ZIC3: variants seen among roughly 807,000 people sequenced by gnomAD.
ZIC3 encodes the protein zinc finger protein ZIC 3.
ZIC3 carries 6 observed loss-of-function variants against 18.3 expected under a neutral mutation model. The observed-to-expected ratio is 0.33, with a 90% confidence interval of 0.18 to 0.65. ZIC3 has a LOEUF of 0.65. Ranked by LOEUF, ZIC3 falls within the 30% of genes least tolerant of loss-of-function variation. The pLI, the probability that ZIC3 is intolerant of heterozygous loss-of-function variation, is 0.75. For synonymous variants in ZIC3, 175 were observed against 177.0 expected, an observed-to-expected ratio of 0.99 and a Z score of 0.09; for missense variants, 260 against 410.0, an observed-to-expected ratio of 0.63 and a Z score of 3.16.
At chrX:137,577,533 T>A in exon 3 of ZIC3, 1 of 194,236 alleles carries the variant, frequency 5.1e-6, no homozygotes, top group Non-Finnish European at 9.4e-6. Flanking sequence ...TTGACCTTGG[T>A]GAAAATCTTT....
chrX:137,567,464 A>G lies in ZIC3; in HGVS notation c.773A>G (p.Glu258Gly), dbSNP rs1301255366. The change falls in exon 1 of 3, where the codon GAG becomes GGG. Residue 258 changes from glutamate (E) to glycine (G), a missense_variant. Glu to Gly is a moderately conservative substitution (Grantham distance 98, BLOSUM62 -2). Transcript: ENST00000287538. ...GAGCTGTCGTGCAAGTGGATCGACG[A>G]GGCTCAGCTGAGCCGGCCCAAGAAG... ...KQELSCKWIDEAQLSRPKKSC... is the reference protein window; with the variant it reads ...KQELSCKWIDGAQLSRPKKSC... 2 of 1,210,239 alleles carry G rather than the reference A, an allele frequency of 1.7e-6. No individual in the cohort carries two copies. Among genetic ancestry groups the G allele is most frequent in the African/African-American group, 3.5e-5 (2 of 57,268 alleles).
At chrX:137,575,748 G>A (rs1287558396), downstream of ZIC3, among the ~76,000 whole-genome samples, 1 of 111,236 alleles carries the variant, frequency 9.0e-6, no homozygotes, top group Admixed American at 9.5e-5. Context: ...CAGGTGGGTG[G>A]GCAGGTCATT....
In ZIC3 at chrX:137,569,814, C is replaced by T. The variant is rs903800529; in HGVS notation, c.1225-77C>T. On this transcript the variant is annotated intron_variant, in intron 2 of 2. Coordinates refer to ENST00000287538, the MANE Select transcript of ZIC3 (RefSeq NM_003413.4). ...TGGGCGGTCTTGTTGTTACAGTGCT[C>T]GAATTCTGCTCTTGTTTTTGCTTGC... 2.9e-6 allele frequency: 3 copies of T among 1,036,619 alleles called. No individual in the cohort carries two copies. In the African/African-American group the frequency reaches 5.7e-5, roughly 20 times the overall value. The allele number at this position is 1,036,619 out of a possible 1,213,427, so 85.4% of individuals were successfully genotyped here.
Position 137,569,873 on chromosome X carries a change from T to C in ZIC3, c.1225-18T>C, listed in dbSNP as rs1000785206. ...AGTTGGAATTATATTCATTATAATA[T>C]ATACATGTTAATTTTAGGTTCATGA... On this transcript the variant is annotated intron_variant, in intron 2 of 2. Coordinates refer to ENST00000287538, the MANE Select transcript of ZIC3 (RefSeq NM_003413.4). 3 of 1,199,100 alleles carry C rather than the reference T, an allele frequency of 2.5e-6. No homozygotes were observed. Among genetic ancestry groups the C allele is most frequent in the African/African-American group, 3.5e-5 (2 of 56,847 alleles).
In ZIC3 at chrX:137,566,737, G is replaced by T; in HGVS notation, c.46G>T (p.Val16Leu). The T allele has an allele frequency of 8.4e-7, 1 of 1,194,313 alleles. No homozygotes were observed. The highest frequency in any genetic ancestry group is 1.1e-6 in the Non-Finnish European group (1 of 887,625). ...DGGPQFPGLG[V>L]GSFGAPRHHE... Reference sequence around the variant, plus strand: ...AGGCCCGCAGTTCCCTGGGCTGGGAGTGGGCAGCTTCGGCGCGCCGCGCCA... The same window carrying T: ...AGGCCCGCAGTTCCCTGGGCTGGGATTGGGCAGCTTCGGCGCGCCGCGCCA... Residue 16 changes from valine (V) to leucine (L), a missense_variant, in exon 1 of 3, where the codon GTG (valine) becomes TTG (leucine). Transcript: ENST00000287538.
rs1450012643 is a variant in ZIC3, at chrX:137,567,222, G to A, written c.531G>A (p.Gly177=). ...EQGAGHPSPT[G]HVDNNQVHLG... ...GCGCTGGGCACCCGTCGCCCACAGG[G>A]CACGTGGACAACAACCAGGTCCACC... Residue 177 remains glycine (G), a synonymous_variant, in exon 1 of 3, where the codon GGG becomes GGA. Transcript: ENST00000287538. The A allele has an allele frequency of 5.0e-6, 6 of 1,209,056 alleles. No individual in the cohort carries two copies. In the African/African-American group the frequency reaches 8.7e-5, roughly 18 times the overall value.
rs1403434097 is a variant in ZIC3, at chrX:137,567,021, C to T, written c.330C>T (p.Ala110=). The change falls in exon 1 of 3, where the codon GCC becomes GCT. Residue 110 remains alanine, a synonymous_variant. Coordinates refer to ENST00000287538, the MANE Select transcript of ZIC3 (RefSeq NM_003413.4). ...CCAGCTACGGTGGCGCTGCCTCTGC[C>T]GCCTTCAACTCAACGCGCGAGTTTC... is the stretch of plus-strand genomic sequence containing the variant. ...QVPSYGGAAS[A]AFNSTREFLF... is the part of the protein sequence containing the mutation. The T allele has an allele frequency of 2.6e-6, 3 of 1,166,966 alleles. No homozygotes were observed. Among genetic ancestry groups the T allele is most frequent in the African/African-American group, 3.6e-5 (2 of 56,242 alleles).
chrX:137,566,615 GC>G lies in ZIC3; in HGVS notation c.-76del. The G allele has an allele frequency of 1.7e-6, 2 of 1,162,525 alleles. No individual in the cohort carries two copies. The highest frequency in any genetic ancestry group is 2.3e-6 in the Non-Finnish European group (2 of 875,700). ...CCGCCGCCACCCCTTTCCGACTACGGCACTTCGGAGATCTCCTCCTTCGCCG... is the reference window on the plus strand; with the variant it reads ...CCGCCGCCACCCCTTTCCGACTACGGACTTCGGAGATCTCCTCCTTCGCCG... On this transcript the variant is annotated 5_prime_UTR_variant, in exon 1 of 3. Coordinates refer to ENST00000287538, the MANE Select transcript of ZIC3 (RefSeq NM_003413.4).
In ZIC3 at chrX:137,568,922, G is replaced by C; in HGVS notation, c.1081G>C (p.Glu361Gln). 1 of 1,210,596 alleles carries C rather than the reference G, an allele frequency of 8.3e-7. No homozygotes were observed. The highest frequency in any genetic ancestry group is 1.8e-5 in the South Asian group (1 of 56,896). ...THTGEKPFKCEFEGCDRRFAN... is the reference protein window; with the variant it reads ...THTGEKPFKCQFEGCDRRFAN... The stretch of plus-strand genomic sequence containing the variant: ...TGCAGGTGAGAAACCTTTCAAATGT[G>C]AATTTGAAGGCTGTGACAGACGCTT... Residue 361 changes from glutamate (E) to glutamine (Q), a missense_variant, in exon 2 of 3, where the codon GAA becomes CAA. Physicochemically the swap from Glu to Gln is conservative, Grantham distance 29. Coordinates refer to ENST00000287538, the MANE Select transcript of ZIC3 (RefSeq NM_003413.4).
chrX:137,570,158 A>T lies in ZIC3; in HGVS notation c.*88A>T. 9.3e-7 allele frequency: 1 copy of T among 1,078,473 alleles called. No homozygotes were observed. Among genetic ancestry groups the T allele is most frequent in the Non-Finnish European group, 1.3e-6 (1 of 774,674 alleles). 88.9% of individuals were successfully genotyped at this position (1,078,473 alleles called of 1,213,427 possible). ...ACCAATCAGATGGAAATGGAGTTTT[A>T]AGGCAAGAGGCCATATATAGGGCTA... On this transcript the variant is annotated 3_prime_UTR_variant, in exon 3 of 3. Transcript: ENST00000287538.
At chrX:137,569,704 TG>T (rs1931410497) in intron 2 of ZIC3, among the ~76,000 whole-genome samples, 186 bp from the exon 3 acceptor site, 1 of 112,212 alleles carries the variant, frequency 8.9e-6, no homozygotes, top group African/African-American at 3.2e-5. Context: ...GGAGCAAAAC[TG>T]GTTTTTGGCG....
rs984460598 is a variant in ZIC3 at position 137,566,388 on chromosome X, T to G, written c.-304T>G. ...CCACTTACTATTTTGCTTATTTTTC[T>G]TTGTGCGCGCCTGTTAGTTTGTTAA... On this transcript the variant is annotated 5_prime_UTR_variant, in exon 1 of 3. Transcript: ENST00000287538. 2 of 389,482 alleles carry G rather than the reference T, an allele frequency of 5.1e-6. No individual in the cohort carries two copies. The highest frequency in any genetic ancestry group is 5.1e-5 in the African/African-American group (2 of 39,377). 32.1% of individuals were successfully genotyped at this position (389,482 alleles called of 1,213,427 possible).
intron 2 of ZIC3, 62 bp from the exon 3 acceptor site, chrX:137,569,829 T>G: frequency 4.5e-6 from 5 of 1,116,290 alleles, no homozygotes; most frequent in Non-Finnish European, 6.1e-6. Flanking sequence ...TCTGCTCTTG[T>G]TTTTGCTTGC....
downstream of ZIC3, among the ~76,000 whole-genome samples, chrX:137,572,784 CAA>C (rs1931456233): frequency 9.0e-6 from 1 of 110,992 alleles, no homozygotes; most frequent in Non-Finnish European, 1.9e-5. Context: ...TCTCCTGAGA[CAA>C]AGAGCAGTTT....
intron 1 of ZIC3, 142 bp from the exon 2 acceptor site, chrX:137,568,760 A>C: frequency 3.8e-6 from 2 of 528,115 alleles, no homozygotes; most frequent in Non-Finnish European, 5.9e-6. Context: ...ATTTCTCTCC[A>C]GGGAAAATAG....
rs1931355457 is a variant in ZIC3 at position 137,566,995 on chromosome X, C to G, written c.304C>G (p.Pro102Ala). 2.7e-5 allele frequency: 31 copies of G among 1,167,576 alleles called. No homozygotes were observed. Among genetic ancestry groups the G allele is most frequent in the Middle Eastern group, 2.3e-4 (1 of 4,296 alleles). ...CCATCATCACCACACCAGCCAGGTGCCCAGCTACGGTGGCGCTGCCTCTGC... is the reference window on the plus strand; with the variant it reads ...CCATCATCACCACACCAGCCAGGTGGCCAGCTACGGTGGCGCTGCCTCTGC... ...HHHHHHTSQV[P>A]SYGGAASAAF... is the part of the protein sequence containing the mutation. Residue 102 changes from proline (P) to alanine (A), a missense_variant, in exon 1 of 3, where the codon CCC becomes GCC. This residue lies in a region of ZIC3 where 183 missense variants were observed against 223.8 expected (regional missense o/e 0.82). Coordinates refer to ENST00000287538, the MANE Select transcript of ZIC3 (RefSeq NM_003413.4).
chrX:137,566,172 CGCGGCGAGCGGCAA>C lies in ZIC3; in HGVS notation c.-511_-498del, dbSNP rs1931334577. On this transcript the variant is annotated 5_prime_UTR_variant, in exon 1 of 3. Coordinates refer to ENST00000287538, the MANE Select transcript of ZIC3 (RefSeq NM_003413.4). Reference sequence around the variant, plus strand: ...CTGGAGGCGAAGAGGCTGGGACTCGCGCGGCGAGCGGCAAGCGGCGAGTAACGAGCCTGCCTACT... The same window carrying C: ...CTGGAGGCGAAGAGGCTGGGACTCGCGCGGCGAGTAACGAGCCTGCCTACT... 1.4e-5 allele frequency: 2 copies of C among 147,766 alleles called. No homozygotes were observed. Among genetic ancestry groups the C allele is most frequent in the Non-Finnish European group, 2.6e-5 (2 of 77,067 alleles). 12.2% of individuals were successfully genotyped at this position (147,766 alleles called of 1,213,427 possible). A position where few individuals can be genotyped will look rare whatever the true frequency, so the allele number is the denominator to read the frequency against.
chrX:137,569,112 C>A (rs768312707), intron 2 of ZIC3, 47 bp downstream of exon 2: 3 of 1,197,763 alleles, frequency 2.5e-6, no homozygotes, highest in Admixed American at 4.4e-5. Flanking sequence ...ACACTCGGCC[C>A]GACGCCGGGC....
downstream of ZIC3, chrX:137,573,875 T>A (rs1931474626): frequency 9.0e-6 from 1 of 111,160 alleles, no homozygotes; most frequent in Non-Finnish European, 1.9e-5. Flanking sequence ...TGCAAGTCTC[T>A]GTCGAGGCTC....
Sources: allele counts gnomAD v4.1 joint callset (sites outside exome capture counted in the v4.1 genomes callset), GRCh38; gene constraint gnomAD v4.1.1; regional missense constraint gnomAD v4.1.1; transcripts MANE v1.5; gene names NCBI Gene and HGNC (gene_info 2026-07-23, HGNC 2026-07-21).